LAMC1: variants seen among roughly 807,000 people sequenced by gnomAD.
LAMC1 encodes the protein laminin subunit gamma-1.
LAMC1 carries 38 observed loss-of-function variants against 173.6 expected under a neutral mutation model. That is an observed-to-expected ratio of 0.22 (90% CI 0.17 to 0.29). The LOEUF is 0.29. LAMC1 is among the 10% of genes least tolerant of loss of function. LAMC1 has a pLI of 1.00. For missense variants in LAMC1, 1,824 were observed against 2,051.8 expected (o/e 0.89, Z 2.14); for synonymous variants, 746 against 749.1 (o/e 1.00, Z 0.07).
Position 183,125,467 on chromosome 1 carries a change from A to T in LAMC1, c.2718A>T (p.Glu906Asp). 4.3e-6 allele frequency: 7 copies of T among 1,614,000 alleles called. No individual in the cohort carries two copies. The highest frequency in any genetic ancestry group is 5.9e-6 in the Non-Finnish European group (7 of 1,179,858). ...SSCNPVTGQC[E>D]CLPHVTGQDC... ...GTAACCCCGTGACGGGGCAGTGTGA[A>T]TGTTTGCCTCACGTGACTGGCCAGG... Residue 906 changes from glutamate to aspartate, a missense_variant, in exon 15 of 28, where the codon GAA becomes GAT. By Grantham distance (45) the Glu-to-Asp change is conservative. Coordinates refer to ENST00000258341, the MANE Select transcript of LAMC1 (RefSeq NM_002293.4).
chr1:183,040,279 C>T lies in LAMC1; in HGVS notation c.418+16145C>T, dbSNP rs186095954. 8.1e-4 allele frequency among the ~76,000 whole-genome samples: 123 copies of T among 152,294 alleles called. 1 individual carries two copies. The highest frequency in any genetic ancestry group is 2.8e-3 in the African/African-American group (117 of 41,544). On this transcript the variant is annotated intron_variant, in intron 1 of 27. Transcript: ENST00000258341. The stretch of plus-strand genomic sequence containing the variant: ...CAACTGCCTGGTTACTTCCTCAGGT[C>T]CCTTTTATGGTGAATAATGGACACA...
intron 27 of LAMC1, 63 bp downstream of exon 27, chr1:183,140,566 A>G (rs1486752729): frequency 6.9e-6 from 7 of 1,019,226 alleles, no homozygotes; most frequent in Admixed American, 6.3e-5. Context: ...TTAGGATCTG[A>G]TATAGTACAG....
chr1:183,093,785 A>G (rs907382625), intron 1 of LAMC1, among the ~76,000 whole-genome samples: 1 of 152,192 alleles, frequency 6.6e-6, no homozygotes, highest in East Asian at 1.9e-4. Flanking sequence ...CCAGTTGTAT[A>G]AGCCAAAGCT....
chr1:183,129,324 G>A (rs1380971660), intron 18 of LAMC1, among the ~76,000 whole-genome samples: 5 of 151,970 alleles, frequency 3.3e-5, no homozygotes, highest in Non-Finnish European at 5.9e-5. Context: ...TCCTGACCTC[G>A]TGATTTGCCC....
chr1:183,092,532 A>G (rs923682122), intron 1 of LAMC1, among the ~76,000 whole-genome samples: 1 of 152,032 alleles, frequency 6.6e-6, no homozygotes, highest in Non-Finnish European at 1.5e-5. Flanking sequence ...TCTGTGGGTG[A>G]TTCTAATAGC....
At chr1:183,059,352 C>T (rs761298483) in intron 1 of LAMC1, among the ~76,000 whole-genome samples, 1 of 152,226 alleles carries the variant, frequency 6.6e-6, no homozygotes, top group African/African-American at 2.4e-5. Context: ...GATAAGCCCA[C>T]TTGCCCTGTT....
At chr1:183,047,805 T>A (rs1376396647) in intron 1 of LAMC1, among the ~76,000 whole-genome samples, 2 of 152,212 alleles carry the variant, frequency 1.3e-5, no homozygotes, top group African/African-American at 2.4e-5. Flanking sequence ...CACGGGACAT[T>A]TGTGCTATTA....
At chr1:183,078,993 C>T (rs1655190711) in intron 1 of LAMC1, among the ~76,000 whole-genome samples, 1 of 151,932 alleles carries the variant, frequency 6.6e-6, no homozygotes, top group African/African-American at 2.4e-5. Flanking sequence ...AAAACTCTGT[C>T]TTAAAAAACA....
intron 1 of LAMC1, among the ~76,000 whole-genome samples, chr1:183,063,325 T>C (rs1212509299): frequency 2.0e-5 from 3 of 152,132 alleles, no homozygotes. Flanking sequence ...ATTGACATAA[T>C]TTATCAACCA....
chr1:183,125,608 A>G, intron 15 of LAMC1, 58 bp downstream of exon 15: 1 of 1,314,640 alleles, frequency 7.6e-7, no homozygotes, highest in South Asian at 1.5e-5. Flanking sequence ...ATAAAAAATG[A>G]ATTTTTATAA....
chr1:183,086,572 A>T (rs141368665), intron 1 of LAMC1, among the ~76,000 whole-genome samples: 2 of 152,236 alleles, frequency 1.3e-5, no homozygotes, highest in African/African-American at 2.4e-5. Context: ...CACAGAAATC[A>T]AGAGTTATCT....
intron 25 of LAMC1, 62 bp from the exon 26 acceptor site, chr1:183,137,607 G>A: frequency 1.9e-6 from 2 of 1,046,830 alleles, no homozygotes; most frequent in Non-Finnish European, 2.7e-6. Context: ...AAAAGGAGCG[G>A]GAGCATACTT....
At chr1:183,083,896 T>A (rs1655354499) in intron 1 of LAMC1, among the ~76,000 whole-genome samples, 1 of 152,228 alleles carries the variant, frequency 6.6e-6, no homozygotes, top group Non-Finnish European at 1.5e-5. Context: ...GATACAGTGC[T>A]TTTTTAAATT....
At position 183,122,074 on chromosome 1, in the gene LAMC1, T is replaced by G; in HGVS notation, c.2224T>G (p.Cys742Gly). ...TGCCTTCCAAATAGGTGTTTGTAAC[T>G]GCAGAGACAATACGGCTGGCCCGCA... ...TCDPETGVCN[C>G]RDNTAGPHCE... Residue 742 changes from cysteine (C) to glycine (G), a missense_variant, in exon 13 of 28, where the codon TGC becomes GGC. By Grantham distance (159) the Cys-to-Gly change is radical. Coordinates refer to ENST00000258341, the MANE Select transcript of LAMC1 (RefSeq NM_002293.4). The G allele has an allele frequency of 6.2e-7, 1 of 1,613,676 alleles. No homozygotes were observed. The highest frequency in any genetic ancestry group is 8.5e-7 in the Non-Finnish European group (1 of 1,179,644).
chr1:183,029,602 A>G (rs1159542644), intron 1 of LAMC1, among the ~76,000 whole-genome samples: 1 of 152,018 alleles, frequency 6.6e-6, no homozygotes, highest in Non-Finnish European at 1.5e-5. Context: ...CACTTCTCCC[A>G]GGTGTTAGGA....
In LAMC1 at chr1:183,124,673, C is replaced by T. The variant is rs1432746308; in HGVS notation, c.2444C>T (p.Pro815Leu). 10 of 1,614,158 alleles carry T rather than the reference C, an allele frequency of 6.2e-6. No homozygotes were observed. Among genetic ancestry groups the T allele is most frequent in the South Asian group, 5.5e-5 (5 of 91,080 alleles). Reference sequence around the variant, plus strand: ...TGTGATGATGGCTACTTTGGAGACCCCCTGGGTAGAAACGGCCCTGTGAGA... The same window carrying T: ...TGTGATGATGGCTACTTTGGAGACCTCCTGGGTAGAAACGGCCCTGTGAGA... ...ELCDDGYFGD[P>L]LGRNGPVRLC... The change falls in exon 14 of 28, where the codon CCC (proline) becomes CTC (leucine). Residue 815 changes from proline to leucine, a missense_variant. Transcript: ENST00000258341.
chr1:183,056,665 A>G (rs1654605333), intron 1 of LAMC1, among the ~76,000 whole-genome samples: 1 of 152,236 alleles, frequency 6.6e-6, no homozygotes, highest in Non-Finnish European at 1.5e-5. Flanking sequence ...GACCACGCTC[A>G]TTATACAGGT....
chr1:183,100,773 G>C (rs1312998018), intron 1 of LAMC1, among the ~76,000 whole-genome samples: 1 of 152,154 alleles, frequency 6.6e-6, no homozygotes, highest in African/African-American at 2.4e-5. Context: ...GGTGGTGCAC[G>C]TGACTCTCTT....
chr1:183,130,251 G>C, intron 18 of LAMC1, 93 bp from the exon 19 acceptor site: 3 of 1,142,348 alleles, frequency 2.6e-6, no homozygotes, highest in Non-Finnish European at 3.8e-6. Context: ...GCGATGTTTA[G>C]AAGAGTAGAG....
Sources: allele counts gnomAD v4.1 joint callset (sites outside exome capture counted in the v4.1 genomes callset), GRCh38; gene constraint gnomAD v4.1.1; transcripts MANE v1.5; gene names NCBI Gene and HGNC (gene_info 2026-07-23, HGNC 2026-07-21).